The following PDSS1 variants were observed in gnomAD, a reference collection of about 807,000 sequenced individuals.
The protein encoded by PDSS1 is decaprenyl diphosphate synthase subunit 1.
PDSS1 carries 43 observed loss-of-function variants against 57.5 expected under a neutral mutation model. The observed-to-expected ratio is 0.75, with a 90% confidence interval of 0.59 to 0.96. The LOEUF (loss-of-function observed/expected upper bound fraction) is 0.96, where lower values mean the gene tolerates loss of function less well. PDSS1 is among the 50% of genes least tolerant of loss of function. The probability of loss-of-function intolerance (pLI) is 0.00; values close to 1 mark genes in which losing one functional copy is unlikely to be tolerated. For synonymous variants in PDSS1, 175 were observed against 191.3 expected (o/e 0.91, Z 0.70); for missense variants, 438 against 527.8 (o/e 0.83, Z 1.67).
intron 1 of PDSS1, among the ~76,000 whole-genome samples, chr10:26,700,458 C>T (rs926915806): frequency 6.6e-6 from 1 of 152,080 alleles, no homozygotes; most frequent in African/African-American, 2.4e-5. Flanking sequence ...TCTGTGTGCC[C>T]ACCCACATCT....
At chr10:26,706,664 A>G (rs1055366779) in intron 4 of PDSS1, among the ~76,000 whole-genome samples, 1 of 152,148 alleles carries the variant, frequency 6.6e-6, no homozygotes, top group African/African-American at 2.4e-5. Flanking sequence ...CTTCCCTCAC[A>G]GTATCCCCTG....
intron 8 of PDSS1, among the ~76,000 whole-genome samples, chr10:26,731,239 G>T (rs1008831218): frequency 9.9e-5 from 15 of 152,184 alleles, no homozygotes; most frequent in Non-Finnish European, 2.2e-4. Flanking sequence ...TACTCGGGAG[G>T]CTGAGGCACA....
chr10:26,741,869 C>A (rs946760452), intron 10 of PDSS1, among the ~76,000 whole-genome samples: 2 of 152,068 alleles, frequency 1.3e-5, no homozygotes, highest in African/African-American at 4.8e-5. Context: ...AGTTTAACAA[C>A]CATGTTGTTT....
chr10:26,735,353 C>A, intron 9 of PDSS1, 33 bp downstream of exon 9: 3 of 1,474,846 alleles, frequency 2.0e-6, no homozygotes, highest in Non-Finnish European at 2.8e-6. Flanking sequence ...AGAATGGTGG[C>A]GTAGTGATAC....
chr10:26,716,271 C>T (rs1835571807), intron 5 of PDSS1, among the ~76,000 whole-genome samples: 2 of 152,184 alleles, frequency 1.3e-5, no homozygotes, highest in South Asian at 4.1e-4. Context: ...TAAGACTTCA[C>T]ATTTTATATT....
chr10:26,732,912 G>C (rs1013451893), intron 8 of PDSS1, among the ~76,000 whole-genome samples: 5 of 152,120 alleles, frequency 3.3e-5, no homozygotes, highest in African/African-American at 1.2e-4. Flanking sequence ...CCTGAGGTCA[G>C]GAGTTCGAGA....
At chr10:26,720,497 C>A in intron 6 of PDSS1, 138 bp downstream of exon 6, 3 of 705,666 alleles carry the variant, frequency 4.3e-6, no homozygotes, top group African/African-American at 1.8e-5. Flanking sequence ...AAAAAGTATT[C>A]ATGTCTTGTC....
chr10:26,713,723 A>T (rs1835468316), intron 5 of PDSS1, among the ~76,000 whole-genome samples: 1 of 152,162 alleles, frequency 6.6e-6, no homozygotes, highest in Non-Finnish European at 1.5e-5. Context: ...CTCAGACTTG[A>T]CATGTCCAGA....
rs1835861837 is a variant in PDSS1, at chr10:26,723,787, T to G, written c.610-19T>G. 1 of 1,530,330 alleles carries G rather than the reference T, an allele frequency of 6.5e-7. No individual in the cohort carries two copies. The highest frequency in any genetic ancestry group is 9.1e-7 in the Non-Finnish European group (1 of 1,103,466). 94.8% of individuals were successfully genotyped at this position (1,530,330 alleles called of 1,614,324 possible). On this transcript the variant is annotated intron_variant, in intron 6 of 11. Coordinates refer to ENST00000376215, the MANE Select transcript of PDSS1 (RefSeq NM_014317.5). ...ATGGATTTTTCAGAACGTTCTGTTT[T>G]CCCCCTGTCTTTTTCTAGGCTGTTC... is the stretch of plus-strand genomic sequence containing the variant.
chr10:26,704,083 C>CAAAAAAAAAAAAAAAAAAA lies in PDSS1; in HGVS notation c.163-593_163-575dup, dbSNP rs1203931422. On this transcript the variant is annotated intron_variant, in intron 2 of 11. Coordinates refer to ENST00000376215, the MANE Select transcript of PDSS1 (RefSeq NM_014317.5). ...GACGACAGAACGAGACTCCGTCTCACAAAAAAAAAAAAAAAAAAATATGGC... is the reference window on the plus strand; with the variant it reads ...GACGACAGAACGAGACTCCGTCTCACAAAAAAAAAAAAAAAAAAAAAAAAAAAAAAAAAAAAAATATGGC... 6.0e-3 allele frequency among the ~76,000 whole-genome samples: 186 copies of CAAAAAAAAAAAAAAAAAAA among 30,990 alleles called. 26 individuals carry two copies. The highest frequency in any genetic ancestry group is 0.044 in the East Asian group (12 of 272). 20.3% of individuals were successfully genotyped at this position (30,990 alleles called of 152,430 possible).
chr10:26,735,662 G>A (rs1364345563), intron 10 of PDSS1, 83 bp downstream of exon 10: 3 of 804,924 alleles, frequency 3.7e-6, no homozygotes, highest in East Asian at 2.5e-5. Flanking sequence ...TGGGAAGATT[G>A]CATAAAGGAA....
chr10:26,720,441 A>T (rs953884469), intron 6 of PDSS1, 82 bp downstream of exon 6: 1 of 938,922 alleles, frequency 1.1e-6, no homozygotes, highest in Non-Finnish European at 1.8e-6. Context: ...GATTTGTCTC[A>T]TTAAAAATAT....
chr10:26,703,953 C>T (rs1170839576), intron 2 of PDSS1, among the ~76,000 whole-genome samples: 1 of 151,614 alleles, frequency 6.6e-6, no homozygotes, highest in African/African-American at 2.4e-5. Context: ...AGGTGGTGGG[C>T]GCCTGTAGTC....
chr10:26,697,982 G>C (rs1356668411), intron 1 of PDSS1, 142 bp downstream of exon 1: 3 of 751,354 alleles, frequency 4.0e-6, no homozygotes, highest in Non-Finnish European at 5.3e-6. Flanking sequence ...TCCGGGGTGG[G>C]ACTCCGGAGC....
intron 5 of PDSS1, among the ~76,000 whole-genome samples, chr10:26,713,422 T>C (rs182563535): frequency 6.6e-6 from 1 of 152,354 alleles, no homozygotes; most frequent in East Asian, 1.9e-4. Flanking sequence ...CTGATTTTTA[T>C]ATTTTCCTTT....
chr10:26,731,071 G>A (rs1188787249), intron 8 of PDSS1, among the ~76,000 whole-genome samples: 7 of 152,094 alleles, frequency 4.6e-5, no homozygotes, highest in East Asian at 1.9e-4. Context: ...GCTGGGCGTG[G>A]TGGCACACAC....
intron 4 of PDSS1, among the ~76,000 whole-genome samples, chr10:26,707,625 C>T (rs1037031569): frequency 6.6e-6 from 1 of 152,204 alleles, no homozygotes; most frequent in African/African-American, 2.4e-5. Context: ...TCATCACCTC[C>T]AGCTCACTTC....
chr10:26,741,609 T>G (rs1309000430), intron 10 of PDSS1, among the ~76,000 whole-genome samples: 1 of 152,188 alleles, frequency 6.6e-6, no homozygotes, highest in Non-Finnish European at 1.5e-5. Context: ...GCTCTGCACA[T>G]AATGCCCTCT....
rs1322437211 is a variant in PDSS1, at chr10:26,722,928, G to C, written c.610-878G>C. On this transcript the variant is annotated intron_variant, in intron 6 of 11. Coordinates refer to ENST00000376215, the MANE Select transcript of PDSS1 (RefSeq NM_014317.5). ...TTTTTTTTTTGTCTAGGAATGAGGG[G>C]CAGTGTCACATAGTACAAAAAGCAT... Among the ~76,000 whole-genome samples the C allele has an allele frequency of 5.3e-5, 8 of 151,624 alleles. No homozygotes were observed. The South Asian group carries it at 6.2e-4, about 12-fold the overall frequency.
Sources: allele counts gnomAD v4.1 joint callset (sites outside exome capture counted in the v4.1 genomes callset), GRCh38; gene constraint gnomAD v4.1.1; transcripts MANE v1.5; gene names NCBI Gene and HGNC (gene_info 2026-07-23, HGNC 2026-07-21).